DNAH12: variants seen among roughly 807,000 people sequenced by gnomAD.
The protein encoded by DNAH12 is axonemal beta dynein heavy chain 12.
Under a neutral mutation model 371.5 loss-of-function variants are expected in DNAH12, and 285 were observed. The observed-to-expected ratio is 0.77, with a 90% CI of 0.70 to 0.85. The LOEUF (loss-of-function observed/expected upper bound fraction) is 0.85. Among genes scored for constraint, DNAH12 ranks in the 40% least tolerant of loss-of-function variants. The pLI is 0.00. For synonymous variants in DNAH12, 1,200 were observed against 1,213.0 expected (o/e 0.99, Z 0.22); for missense variants, 3,611 against 3,689.4 (o/e 0.98, Z 0.55).
chr3:57,435,294 C>T (rs2065082844), intron 30 of DNAH12, among the ~76,000 whole-genome samples: 1 of 145,672 alleles, frequency 6.9e-6, no homozygotes. Flanking sequence ...ATCACTTGAA[C>T]CCAGGAGGTG....
intron 17 of DNAH12, among the ~76,000 whole-genome samples, chr3:57,463,710 C>T (rs1302242797): frequency 2.0e-5 from 3 of 152,044 alleles, no homozygotes; most frequent in African/African-American, 7.2e-5. Context: ...ATAACAGGCA[C>T]TCAGTAAGTA....
At chr3:57,510,534 G>C (rs1410862484) in intron 5 of DNAH12, among the ~76,000 whole-genome samples, 1 of 152,072 alleles carries the variant, frequency 6.6e-6, no homozygotes, top group Admixed American at 6.6e-5. Context: ...CAGGTACTCG[G>C]GAGGCTGAGG....
chr3:57,356,103 G>A (rs900689458), intron 59 of DNAH12, among the ~76,000 whole-genome samples: 20 of 152,056 alleles, frequency 1.3e-4, no homozygotes, highest in Non-Finnish European at 2.9e-5. Context: ...TCCAAAATTT[G>A]CATACATTCA....
chr3:57,426,828 GAAAAA>G (rs559705189), intron 34 of DNAH12, among the ~76,000 whole-genome samples: 1 of 92,970 alleles, frequency 1.1e-5, no homozygotes, highest in African/African-American at 3.7e-5. Context: ...GACTGTCTCA[GAAAAA>G]AAAAAAAAAA....
chr3:57,509,860 A>G (rs2067916551), intron 5 of DNAH12, among the ~76,000 whole-genome samples: 1 of 112,562 alleles, frequency 8.9e-6, no homozygotes, highest in Admixed American at 8.2e-5. Context: ...AGACTCCATC[A>G]TAAAAAAAAA....
intron 36 of DNAH12, among the ~76,000 whole-genome samples, chr3:57,420,586 T>G (rs892423617): frequency 6.6e-6 from 1 of 152,034 alleles, no homozygotes; most frequent in Non-Finnish European, 1.5e-5. Context: ...CTAAGCTGGA[T>G]AGTTTGGTAT....
chr3:57,501,661 C>T (rs1361872089), intron 10 of DNAH12, among the ~76,000 whole-genome samples: 1 of 152,072 alleles, frequency 6.6e-6, no homozygotes, highest in Non-Finnish European at 1.5e-5. Context: ...TACATATACA[C>T]CAATTAATAG....
chr3:57,444,019 C>T (rs1188554826), intron 29 of DNAH12, among the ~76,000 whole-genome samples: 4 of 152,158 alleles, frequency 2.6e-5, no homozygotes, highest in East Asian at 1.9e-4. Context: ...GCCTGCCCAA[C>T]ATGGAGAAAC....
intron 60 of DNAH12, among the ~76,000 whole-genome samples, chr3:57,346,169 C>A (rs1553657964): frequency 6.6e-6 from 1 of 152,018 alleles, no homozygotes; most frequent in Admixed American, 6.6e-5. Context: ...AAAATACATA[C>A]AATTATTATA....
chr3:57,366,215 C>A (rs2063047987), intron 57 of DNAH12, among the ~76,000 whole-genome samples: 1 of 152,168 alleles, frequency 6.6e-6, no homozygotes, highest in South Asian at 2.1e-4. Flanking sequence ...TACACCCCAC[C>A]AGTGCCCTAA....
At chr3:57,315,824 T>C (rs528940618) in intron 65 of DNAH12, among the ~76,000 whole-genome samples, 2 of 152,320 alleles carry the variant, frequency 1.3e-5, no homozygotes, top group South Asian at 4.1e-4. Flanking sequence ...TGATAATTTC[T>C]CCACATTTTT....
chr3:57,461,379 T>C, intron 19 of DNAH12, 110 bp downstream of exon 19: 1 of 963,752 alleles, frequency 1.0e-6, no homozygotes. Context: ...ATGATTTGAA[T>C]AAACACTTAA....
chr3:57,409,453 T>C (rs1488543370), intron 39 of DNAH12, among the ~76,000 whole-genome samples: 1 of 152,180 alleles, frequency 6.6e-6, no homozygotes, highest in Non-Finnish European at 1.5e-5. Flanking sequence ...AAATATGCAC[T>C]GATATGGCTA....
intron 65 of DNAH12, among the ~76,000 whole-genome samples, chr3:57,316,709 C>G (rs1197372721): frequency 6.6e-6 from 1 of 152,140 alleles, no homozygotes; most frequent in African/African-American, 2.4e-5. Context: ...CCATACTGTT[C>G]TTGTGATAGT....
chr3:57,554,388 C>T, the DNAH12 span, among the ~76,000 whole-genome samples: 2 of 151,860 alleles, frequency 1.3e-5, no homozygotes, highest in African/African-American at 4.8e-5. Context: ...TTAGCTTTTC[C>T]CCTTTCAAGA....
the DNAH12 span, among the ~76,000 whole-genome samples, chr3:57,553,433 A>T: frequency 6.6e-6 from 1 of 152,184 alleles, no homozygotes; most frequent in Non-Finnish European, 1.5e-5. Flanking sequence ...AAAGCTGTGA[A>T]GATGATGGTG....
chr3:57,424,568 G>A (rs1409969852), intron 35 of DNAH12, among the ~76,000 whole-genome samples: 1 of 151,798 alleles, frequency 6.6e-6, no homozygotes, highest in Non-Finnish European at 1.5e-5. Flanking sequence ...ACGAGGTCAG[G>A]AGTTCAAGAC....
intron 62 of DNAH12, among the ~76,000 whole-genome samples, chr3:57,324,986 A>G (rs2061902986): frequency 6.6e-6 from 1 of 152,210 alleles, no homozygotes; most frequent in South Asian, 2.1e-4. Flanking sequence ...GCAGTCTGAG[A>G]TCAAACTGCA....
At chr3:57,534,602 A>G (rs2068965187) in intron 2 of DNAH12, among the ~76,000 whole-genome samples, 2 of 141,124 alleles carry the variant, frequency 1.4e-5, no homozygotes, top group Admixed American at 1.5e-4. Flanking sequence ...TCCACCTCCC[A>G]GGTTCCAGTG....
Sources: gnomAD v4.1 joint callset for allele counts (sites outside exome capture counted in the v4.1 genomes callset) on GRCh38, gnomAD v4.1.1 for gene constraint, MANE v1.5 for transcripts, NCBI Gene and HGNC (gene_info 2026-07-23, HGNC 2026-07-21) for gene names.